The following APC variants were observed in gnomAD, a reference collection of about 807,000 sequenced individuals.
The protein encoded by APC is APC regulator of Wnt signaling pathway.
A neutral mutation model predicts 247.0 loss-of-function variants in APC; 72 were observed. The ratio of observed to expected loss-of-function variants is 0.29; its 90% CI spans 0.24 to 0.35. The LOEUF (loss-of-function observed/expected upper bound fraction) is 0.35. APC is among the 10% of genes least tolerant of loss of function. The pLI is 1.00. For missense variants in APC, 3,400 were observed against 3,360.7 expected (o/e 1.01, Z -0.29); for synonymous variants, 1,254 against 1,162.5 (o/e 1.08, Z -1.60).
intron 8 of APC, among the ~76,000 whole-genome samples, chr5:112,803,629 C>T (rs982346242): frequency 2.0e-5 from 3 of 152,030 alleles, no homozygotes; most frequent in African/African-American, 4.8e-5. Context: ...AAAAGGTAAC[C>T]GATTCTGTTG....
Position 112,717,908 on chromosome 5 carries a change from C to CTTTTTT in APC, c.165+10050_165+10055dup. Among the ~76,000 whole-genome samples, 131 of 40,600 alleles carry CTTTTTT rather than the reference C, an allele frequency of 3.2e-3. 6 individuals are homozygous for CTTTTTT. Among genetic ancestry groups the CTTTTTT allele is most frequent in the African/African-American group, 6.5e-3 (74 of 11,314 alleles). The allele number at this position is 40,600 out of a possible 152,430, so 26.6% of individuals were successfully genotyped here. The stretch of plus-strand genomic sequence containing the variant: ...CTCTTTTCTTTTTCTTTTTCTTTTT[C>CTTTTTT]TTTTTTTTTTTTTTTTTTTTTTTTT... On this transcript the variant is annotated intron_variant, in intron 1 of 13. Coordinates refer to the APC transcript ENST00000507379.
chr5:112,843,036 C>T lies in APC; in HGVS notation c.7442C>T (p.Thr2481Ile), dbSNP rs1561615537. 6.2e-7 allele frequency: 1 copy of T among 1,613,916 alleles called. No homozygotes were observed. Reference protein sequence around the residue: ...PASPTRSQAQTPVLSPSLPDM... With the variant: ...PASPTRSQAQIPVLSPSLPDM... Reference sequence around the variant, plus strand: ...TCTCCCACTAGGTCCCAGGCACAAACTCCAGTTTTAAGTCCTTCCCTTCCT... The same window carrying T: ...TCTCCCACTAGGTCCCAGGCACAAATTCCAGTTTTAAGTCCTTCCCTTCCT... Residue 2481 changes from threonine to isoleucine, a missense_variant, in exon 16 of 16, where the codon ACT becomes ATT. Transcript: ENST00000257430. The surrounding 1 kb of genome is among the most constrained non-coding windows in gnomAD (Gnocchi z 4.8).
At chr5:112,813,090 G>A (rs1450712372) in intron 8 of APC, among the ~76,000 whole-genome samples, 5 of 152,152 alleles carry the variant, frequency 3.3e-5, no homozygotes, top group African/African-American at 1.2e-4. Context: ...CCCTATGCGA[G>A]TATGAATAAG....
chr5:112,742,750 C>A (rs1338687120), intron 1 of APC, among the ~76,000 whole-genome samples: 1 of 152,142 alleles, frequency 6.6e-6, no homozygotes, highest in African/African-American at 2.4e-5. Flanking sequence ...GCTGTATTCT[C>A]TTTATTAGAT....
At position 112,845,409 on chromosome 5, in the gene APC, C is replaced by T. The variant is rs576807749; in HGVS notation, c.*1283C>T. 9.4e-5 allele frequency: 22 copies of T among 233,012 alleles called. No homozygotes were observed. Among genetic ancestry groups the T allele is most frequent in the African/African-American group, 4.6e-4 (21 of 45,392 alleles). The allele number at this position is 233,012 out of a possible 1,614,324, so 14.4% of individuals were successfully genotyped here. A position where few individuals can be genotyped will look rare whatever the true frequency, so the allele number is the denominator to read the frequency against. On this transcript the variant is annotated 3_prime_UTR_variant, in exon 16 of 16. Coordinates refer to ENST00000257430, the MANE Select transcript of APC (RefSeq NM_000038.6). ...TGATTCTTAGACATTGCAGTCTCTT[C>T]GAGGCTTTACAGTGTAAACTGTCTT...
chr5:112,836,165 T>TCCCCCCCCCCCC lies in APC; in HGVS notation c.1958+1003_1958+1014dup, dbSNP rs59050067. 1.3e-3 allele frequency among the ~76,000 whole-genome samples: 33 copies of TCCCCCCCCCCCC among 24,486 alleles called. 4 individuals are homozygous for TCCCCCCCCCCCC. Among genetic ancestry groups the TCCCCCCCCCCCC allele is most frequent in the East Asian group, 3.6e-3 (1 of 280 alleles). 16.1% of individuals were successfully genotyped at this position (24,486 alleles called of 152,430 possible). ...CCTCCCGAGTAGCTGGGATTACAGG[T>TCCCCCCCCCCCC]CCCCCCCCCCCCCCGCCACCGTGCC... is the stretch of plus-strand genomic sequence containing the variant. On this transcript the variant is annotated intron_variant, in intron 15 of 15. Coordinates refer to ENST00000257430, the MANE Select transcript of APC (RefSeq NM_000038.6).
intron 2 of APC, 116 bp from the exon 3 acceptor site, chr5:112,766,210 G>T: frequency 1.4e-6 from 1 of 710,390 alleles, no homozygotes. Flanking sequence ...TATAAGGTGC[G>T]TGCTTTGAGA....
rs1580636114 is a variant in APC at position 112,839,082 on chromosome 5, G to A, written c.3488G>A (p.Ser1163Asn). 6.2e-7 allele frequency: 1 copy of A among 1,614,012 alleles called. No individual in the cohort carries two copies. The highest frequency in any genetic ancestry group is 8.5e-7 in the Non-Finnish European group (1 of 1,179,954). ...HEEEERPTNYSIKYNEEKRHV... is the reference protein window; with the variant it reads ...HEEEERPTNYNIKYNEEKRHV... Reference sequence around the variant, plus strand: ...GAAGAAGAGAGACCAACAAATTATAGCATAAAATATAATGAAGAGAAACGT... The same window carrying A: ...GAAGAAGAGAGACCAACAAATTATAACATAAAATATAATGAAGAGAAACGT... Residue 1163 changes from serine to asparagine, a missense_variant, in exon 16 of 16, where the codon AGC becomes AAC. Ser to Asn is a conservative substitution (Grantham distance 46, BLOSUM62 1). Coordinates refer to ENST00000257430, the MANE Select transcript of APC (RefSeq NM_000038.6). The surrounding 1 kb of genome is among the most constrained non-coding windows in gnomAD (Gnocchi z 5.0).
chr5:112,742,390 T>C (rs1211387088), intron 1 of APC, among the ~76,000 whole-genome samples: 1 of 152,206 alleles, frequency 6.6e-6, no homozygotes, highest in Non-Finnish European at 1.5e-5. Flanking sequence ...TAACAAATTG[T>C]ACCAAAACTT....
At chr5:112,820,002 T>C (rs1441872917) in intron 10 of APC, among the ~76,000 whole-genome samples, 2 of 152,128 alleles carry the variant, frequency 1.3e-5, no homozygotes, top group Non-Finnish European at 2.9e-5. Flanking sequence ...CCTCAGTTGC[T>C]GGGAGTGATA....
At position 112,750,976 on chromosome 5, in the gene APC, A is replaced by G. The variant is rs542839643; in HGVS notation, c.-18-3897A>G. 9.6e-4 allele frequency among the ~76,000 whole-genome samples: 146 copies of G among 152,176 alleles called. 1 individual carries two copies. Among genetic ancestry groups the G allele is most frequent in the Non-Finnish European group, 1.9e-3 (128 of 67,956 alleles). ...ACCACTTTAAATTCCATCTTTTTACAAGTATTGAGATGCTACTTTAATCAT... is the reference window on the plus strand; with the variant it reads ...ACCACTTTAAATTCCATCTTTTTACGAGTATTGAGATGCTACTTTAATCAT... On this transcript the variant is annotated intron_variant, in intron 1 of 15. Coordinates refer to ENST00000257430, the MANE Select transcript of APC (RefSeq NM_000038.6).
intron 7 of APC, among the ~76,000 whole-genome samples, chr5:112,800,512 A>ATTATCCAC (rs1760701360): frequency 6.6e-6 from 1 of 152,124 alleles, no homozygotes; most frequent in African/African-American, 2.4e-5. Flanking sequence ...TTGTAATTTA[A>ATTATCCAC]TTATCCACTG....
chr5:112,737,348 C>G (rs551751207), upstream of APC, among the ~76,000 whole-genome samples: 6 of 152,312 alleles, frequency 3.9e-5, no homozygotes, highest in African/African-American at 1.4e-4. Flanking sequence ...CTGATCTCCA[C>G]TACTAAGCTG....
chr5:112,724,261 A>G (rs1242224251), intron 1 of APC, among the ~76,000 whole-genome samples: 1 of 152,112 alleles, frequency 6.6e-6, no homozygotes, highest in Non-Finnish European at 1.5e-5. Context: ...TGAAGAAGAA[A>G]AAGCTTGTTG....
Position 112,841,813 on chromosome 5 carries a change from T to C in APC, c.6219T>C (p.Gly2073=). ...CCAGAAATATGGGTGGCATATTAGG[T>C]GAAGATCTGACACTTGATTTGAAAG... ...HSPRNMGGIL[G]EDLTLDLKDI... The change falls in exon 16 of 16, where the codon GGT becomes GGC. Residue 2073 remains glycine (G), a synonymous_variant. Coordinates refer to ENST00000257430, the MANE Select transcript of APC (RefSeq NM_000038.6). This position sits in a 1 kb window ranked among gnomAD's most constrained non-coding sequence, Gnocchi z 4.6. 6.2e-7 allele frequency: 1 copy of C among 1,613,976 alleles called. No individual in the cohort carries two copies. The highest frequency in any genetic ancestry group is 1.1e-5 in the South Asian group (1 of 91,070).
chr5:112,805,120 T>C (rs1436512094), intron 8 of APC, among the ~76,000 whole-genome samples: 1 of 152,188 alleles, frequency 6.6e-6, no homozygotes, highest in Non-Finnish European at 1.5e-5. Context: ...TTATCAATAG[T>C]TATCTCTGAG....
rs78476131 is a variant in APC at position 112,828,292 on chromosome 5, G to A, written c.1626+286G>A. On this transcript the variant is annotated intron_variant, in intron 13 of 15. Transcript: ENST00000257430. ...ATCTCAAAATGCTGGGATTACAGGC[G>A]TGTGCCACCACACCCAGCTAATATC... Among the ~76,000 whole-genome samples the A allele has an allele frequency of 9.3e-3, 1,409 of 152,202 alleles. 22 individuals carry two copies. Among genetic ancestry groups the A allele is most frequent in the African/African-American group, 0.033 (1,351 of 41,532 alleles).
chr5:112,786,241 A>G lies in APC; in HGVS notation c.645+5338A>G, dbSNP rs182223300. ...CATAGTTGGGACTTTAGGCGTGTAC[A>G]TCGCACCTGCCTAACCCATGTTTTT... On this transcript the variant is annotated intron_variant, in intron 6 of 15. Coordinates refer to ENST00000257430, the MANE Select transcript of APC (RefSeq NM_000038.6). 2.5e-3 allele frequency among the ~76,000 whole-genome samples: 381 copies of G among 150,242 alleles called. 1 individual carries two copies. Among genetic ancestry groups the G allele is most frequent in the African/African-American group, 8.6e-3 (359 of 41,504 alleles).
At position 112,838,224 on chromosome 5, in the gene APC, G is replaced by A. The variant is rs558732083; in HGVS notation, c.2630G>A (p.Gly877Asp). 4 of 1,614,002 alleles carry A rather than the reference G, an allele frequency of 2.5e-6. No homozygotes were observed. The highest frequency in any genetic ancestry group is 3.4e-6 in the Non-Finnish European group (4 of 1,179,990). ...TENPGTSSKRGLQISTTAAQI... is the reference protein window; with the variant it reads ...TENPGTSSKRDLQISTTAAQI... ...AATCCAGGAACTTCTTCAAAGCGAGGTTTGCAGATCTCCACCACTGCAGCC... is the reference window on the plus strand; with the variant it reads ...AATCCAGGAACTTCTTCAAAGCGAGATTTGCAGATCTCCACCACTGCAGCC... Residue 877 changes from glycine (G) to aspartate (D), a missense_variant, in exon 16 of 16, where the codon GGT (glycine) becomes GAT (aspartate). By Grantham distance (94) the Gly-to-Asp change is moderately conservative (BLOSUM62 -1). Around this residue, in one of 9 missense-constraint regions of APC, gnomAD observed 715 missense variants for 656.6 expected, o/e 1.09. Transcript: ENST00000257430.
Sources: allele counts gnomAD v4.1 joint callset (sites outside exome capture counted in the v4.1 genomes callset), GRCh38; gene constraint gnomAD v4.1.1; regional missense constraint gnomAD v4.1.1; non-coding constraint Gnocchi (gnomAD v3.1); transcripts MANE v1.5; gene names NCBI Gene and HGNC (gene_info 2026-07-23, HGNC 2026-07-21).